The following PCDH7 variants were observed in gnomAD, a reference collection of about 807,000 sequenced individuals.
PCDH7 encodes protocadherin 7.
In PCDH7, 17 loss-of-function variants were observed where a neutral mutation model predicts 58.9. The observed-to-expected ratio is 0.29, with a 90% confidence interval of 0.20 to 0.43. The LOEUF is 0.43. PCDH7 is among the 20% of genes least tolerant of loss of function. PCDH7 has a pLI of 1.00. For synonymous variants in PCDH7, 664 were observed against 616.4 expected, an observed-to-expected ratio of 1.08 and a Z score of -1.14; for missense variants, 1,274 against 1,441.0, an observed-to-expected ratio of 0.88 and a Z score of 1.88.
intron 3 of PCDH7, among the ~76,000 whole-genome samples, chr4:30,963,895 G>T (rs917210297): frequency 1.3e-5 from 2 of 152,020 alleles, no homozygotes; most frequent in Non-Finnish European, 2.9e-5. Context: ...GTCTCAGAGG[G>T]GCCATATTTT....
intron 3 of PCDH7, among the ~76,000 whole-genome samples, chr4:31,096,906 C>T (rs71598140): frequency 0.08 from 8,410 of 105,078 alleles, 782 homozygotes; most frequent in East Asian, 0.52. Context: ...TAATAAATTC[C>T]TTGTTTGTGT....
intron 3 of PCDH7, among the ~76,000 whole-genome samples, chr4:31,029,840 C>T (rs182071956): frequency 1.4e-4 from 22 of 152,258 alleles, no homozygotes; most frequent in African/African-American, 5.1e-4. Context: ...AAGGATCATA[C>T]ACTAGTCTAG....
chr4:30,924,425 C>A (rs1279293652), intron 2 of PCDH7, among the ~76,000 whole-genome samples: 1 of 152,096 alleles, frequency 6.6e-6, no homozygotes, highest in Non-Finnish European at 1.5e-5. Context: ...AGAATGGAGA[C>A]ATTTGTCTCA....
At chr4:30,818,295 C>T (rs908253657) in intron 1 of PCDH7, among the ~76,000 whole-genome samples, 1 of 152,122 alleles carries the variant, frequency 6.6e-6, no homozygotes, top group East Asian at 1.9e-4. Flanking sequence ...TAGCTTACTT[C>T]TTTCTCACCC....
intron 3 of PCDH7, among the ~76,000 whole-genome samples, chr4:31,054,964 T>C (rs936057350): frequency 1.3e-5 from 2 of 152,332 alleles, no homozygotes; most frequent in East Asian, 1.9e-4. Context: ...TACTAACTGC[T>C]GTAATGATCT....
At chr4:30,786,743 C>A (rs1437401374) in intron 1 of PCDH7, 2 of 983,192 alleles carry the variant, frequency 2.0e-6, no homozygotes, top group Non-Finnish European at 2.4e-6. Context: ...ACAGTGCAGA[C>A]CATGAACCCC....
intron 1 of PCDH7, among the ~76,000 whole-genome samples, chr4:30,841,112 C>G (rs1322883584): frequency 1.3e-5 from 2 of 152,034 alleles, no homozygotes; most frequent in African/African-American, 4.8e-5. Context: ...AATACTTTTT[C>G]ATAGTTCTAA....
chr4:31,136,423 C>G (rs538394125), intron 3 of PCDH7, among the ~76,000 whole-genome samples: 9 of 152,328 alleles, frequency 5.9e-5, no homozygotes, highest in African/African-American at 2.2e-4. Context: ...GACTCTAAAT[C>G]TCCTGCTCTT....
chr4:30,777,843 TAA>T (rs1301901363), intron 1 of PCDH7, among the ~76,000 whole-genome samples: 4 of 152,172 alleles, frequency 2.6e-5, no homozygotes, highest in Non-Finnish European at 4.4e-5. Context: ...ATCTTTCACA[TAA>T]AACGATTGAT....
chr4:31,083,828 C>T (rs958937037), intron 3 of PCDH7, among the ~76,000 whole-genome samples: 1 of 152,208 alleles, frequency 6.6e-6, no homozygotes, highest in African/African-American at 2.4e-5. Context: ...GAGGGAATTA[C>T]TGCAGCATAT....
chr4:31,052,321 G>T (rs900565169), intron 3 of PCDH7, among the ~76,000 whole-genome samples: 1 of 152,056 alleles, frequency 6.6e-6, no homozygotes, highest in Non-Finnish European at 1.5e-5. Flanking sequence ...ACTTTAAGTA[G>T]TAATATCATC....
intron 3 of PCDH7, among the ~76,000 whole-genome samples, chr4:31,016,497 T>C (rs1367046227): frequency 6.6e-6 from 1 of 151,552 alleles, no homozygotes; most frequent in African/African-American, 2.4e-5. Context: ...AGATTGTGCA[T>C]TGAGCAACTC....
chr4:30,954,781 A>T (rs2109451826), intron 3 of PCDH7, among the ~76,000 whole-genome samples: 1 of 152,310 alleles, frequency 6.6e-6, no homozygotes, highest in Non-Finnish European at 1.5e-5. Context: ...TCTACAGAAT[A>T]TGGAAGACTA....
intron 2 of PCDH7, among the ~76,000 whole-genome samples, chr4:30,943,984 G>A (rs1244056354): frequency 6.6e-6 from 1 of 151,996 alleles, no homozygotes; most frequent in African/African-American, 2.4e-5. Context: ...GCTCCAGTGT[G>A]GCCTCCGTGA....
At chr4:30,831,326 ATATGGACTTGATTAACTC>A in intron 1 of PCDH7, among the ~76,000 whole-genome samples, 1 of 152,298 alleles carries the variant, frequency 6.6e-6, no homozygotes, top group East Asian at 1.9e-4. Context: ...GGAGCCTGGG[ATATGGACTTGATTAACTC>A]AAAGAATTGG....
At chr4:31,060,654 A>G (rs557375376) in intron 3 of PCDH7, among the ~76,000 whole-genome samples, 8 of 151,860 alleles carry the variant, frequency 5.3e-5, no homozygotes, top group African/African-American at 1.7e-4. Flanking sequence ...AAACCTAAAC[A>G]TATTCAATTT....
intron 1 of PCDH7, among the ~76,000 whole-genome samples, chr4:30,849,839 T>C (rs905228657): frequency 2.0e-5 from 3 of 152,144 alleles, no homozygotes; most frequent in African/African-American, 7.2e-5. Context: ...TCCCATTCTC[T>C]GTGAGTAGAG....
At chr4:30,810,325 A>G (rs1726808311) in intron 1 of PCDH7, among the ~76,000 whole-genome samples, 1 of 152,180 alleles carries the variant, frequency 6.6e-6, no homozygotes, top group Non-Finnish European at 1.5e-5. Context: ...ATGGGCGAAT[A>G]TGTTACATCT....
chr4:30,810,546 A>G (rs1726849825), intron 1 of PCDH7, among the ~76,000 whole-genome samples: 1 of 152,042 alleles, frequency 6.6e-6, no homozygotes, highest in South Asian at 2.1e-4. Flanking sequence ...CTTGTAAATT[A>G]TGATTTTTTA....
Sources: allele counts gnomAD v4.1 joint callset (sites outside exome capture counted in the v4.1 genomes callset), GRCh38; gene constraint gnomAD v4.1.1; transcripts MANE v1.5; gene names NCBI Gene and HGNC (gene_info 2026-07-23, HGNC 2026-07-21).